Variants in ZCCHC17 observed in about 807,000 individuals in gnomAD.
ZCCHC17 encodes the protein zinc finger CCHC-type containing 17.
Under a neutral mutation model 30.6 loss-of-function variants are expected in ZCCHC17, and 18 were observed. The observed-to-expected ratio is 0.59, with a 90% CI of 0.41 to 0.87. ZCCHC17 has a LOEUF of 0.87. Among genes scored for constraint, ZCCHC17 ranks in the 40% least tolerant of loss-of-function variants. The probability of loss-of-function intolerance (pLI) is 0.00; values close to 1 mark genes in which losing one functional copy is unlikely to be tolerated. For missense variants in ZCCHC17, 263 were observed against 284.2 expected (o/e 0.93, Z 0.54); for synonymous variants, 88 against 92.4 (o/e 0.95, Z 0.27).
chr1:31,326,111 A>G (rs754378882), intron 3 of ZCCHC17, among the ~76,000 whole-genome samples: 121 of 152,176 alleles, frequency 8.0e-4, no homozygotes, highest in Non-Finnish European at 1.5e-3. Context: ...AAGTGTGCAT[A>G]TGCCTTTAAT....
intron 4 of ZCCHC17, among the ~76,000 whole-genome samples, chr1:31,337,678 T>C (rs949656063): frequency 2.6e-5 from 4 of 152,136 alleles, no homozygotes; most frequent in Non-Finnish European, 4.4e-5. Context: ...TAGTTTACAG[T>C]CATTTTCCCT....
intron 7 of ZCCHC17, among the ~76,000 whole-genome samples, chr1:31,351,911 T>G (rs913264982): frequency 1.3e-5 from 2 of 152,210 alleles, no homozygotes; most frequent in Admixed American, 6.5e-5. Flanking sequence ...ATTAAGTGCT[T>G]GTGTCTGTAT....
chr1:31,346,205 A>G (rs1283635756), intron 5 of ZCCHC17, among the ~76,000 whole-genome samples: 1 of 152,164 alleles, frequency 6.6e-6, no homozygotes, highest in Non-Finnish European at 1.5e-5. Flanking sequence ...AGCCACATGG[A>G]TAAGAGAAAA....
At chr1:31,346,078 A>G (rs1639260315) in intron 5 of ZCCHC17, among the ~76,000 whole-genome samples, 1 of 152,178 alleles carries the variant, frequency 6.6e-6, no homozygotes, top group Non-Finnish European at 1.5e-5. Context: ...ATAGAAGGAG[A>G]GCTAGTAACT....
At chr1:31,309,004 T>G (rs1182147453) in intron 1 of ZCCHC17, among the ~76,000 whole-genome samples, 1 of 152,218 alleles carries the variant, frequency 6.6e-6, no homozygotes, top group Non-Finnish European at 1.5e-5. Flanking sequence ...AGAATATAGA[T>G]CAAATTGAAT....
intron 2 of ZCCHC17, among the ~76,000 whole-genome samples, chr1:31,310,937 C>G (rs925340549): frequency 9.2e-5 from 14 of 152,324 alleles, no homozygotes; most frequent in African/African-American, 3.1e-4. Flanking sequence ...TATCTCTGGT[C>G]TATGTACTTC....
chr1:31,333,235 A>T (rs528271354), intron 3 of ZCCHC17: 11 of 152,312 alleles, frequency 7.2e-5, no homozygotes, highest in South Asian at 2.1e-4. Context: ...AATAGAATTT[A>T]AAAAAATGCC....
At chr1:31,330,615 T>G (rs1355555021) in intron 3 of ZCCHC17, among the ~76,000 whole-genome samples, 2 of 152,180 alleles carry the variant, frequency 1.3e-5, no homozygotes, top group African/African-American at 4.8e-5. Flanking sequence ...TAATATAGAT[T>G]AATAATAAAA....
intron 7 of ZCCHC17, among the ~76,000 whole-genome samples, chr1:31,359,943 T>G (rs1202816417): frequency 6.6e-6 from 1 of 152,078 alleles, no homozygotes; most frequent in African/African-American, 2.4e-5. Flanking sequence ...CTCTCAGTCT[T>G]CCCCCACCCC....
intron 3 of ZCCHC17, among the ~76,000 whole-genome samples, chr1:31,324,247 A>G (rs10798843): frequency 0.54 from 82,661 of 152,120 alleles, 23,370 homozygotes; most frequent in Non-Finnish European, 0.62. Context: ...CTGAAGTAGT[A>G]AGATCACTTG....
intron 7 of ZCCHC17, among the ~76,000 whole-genome samples, chr1:31,349,861 T>C (rs1446226303): frequency 6.6e-6 from 1 of 152,254 alleles, no homozygotes; most frequent in Admixed American, 6.5e-5. Flanking sequence ...GGATATTTTT[T>C]ATTACTTCCA....
At chr1:31,303,618 G>A (rs1464599909) in intron 1 of ZCCHC17, among the ~76,000 whole-genome samples, 1 of 152,162 alleles carries the variant, frequency 6.6e-6, no homozygotes, top group Non-Finnish European at 1.5e-5. Flanking sequence ...GACAGGATGT[G>A]TAGGGTTTTT....
At chr1:31,319,071 A>G in intron 2 of ZCCHC17, 38 bp from the exon 3 acceptor site, 1 of 1,589,000 alleles carries the variant, frequency 6.3e-7, no homozygotes, top group Non-Finnish European at 8.6e-7. Context: ...AAAGATTCTC[A>G]TGTATGTGAC....
At chr1:31,299,666 G>T (rs544770435) in intron 1 of ZCCHC17, among the ~76,000 whole-genome samples, 2 of 152,184 alleles carry the variant, frequency 1.3e-5, no homozygotes, top group African/African-American at 4.8e-5. Flanking sequence ...GGCAAAGGTG[G>T]TATTATTTTG....
In ZCCHC17 at chr1:31,300,953, A is replaced by G. The variant is rs147923337; in HGVS notation, c.-56+3878A>G. Among the ~76,000 whole-genome samples the G allele has an allele frequency of 5.5e-3, 840 of 151,994 alleles. 21 individuals are homozygous for G. Among genetic ancestry groups the G allele is most frequent in the Admixed American group, 0.052 (787 of 15,238 alleles). The stretch of plus-strand genomic sequence containing the variant: ...TGTCTCAAAAAAAAAAAAAGAAAAA[A>G]AAGGGTGGTTTAGTGGCAAGTGTGT... On this transcript the variant is annotated intron_variant, in intron 1 of 7. Transcript: ENST00000344147.
intron 1 of ZCCHC17, among the ~76,000 whole-genome samples, chr1:31,306,487 A>C (rs1338925704): frequency 1.3e-5 from 2 of 152,208 alleles, no homozygotes; most frequent in Admixed American, 1.3e-4. Flanking sequence ...GGATGGCACA[A>C]GATTTCATCA....
chr1:31,312,988 G>A (rs1646641666), intron 2 of ZCCHC17, among the ~76,000 whole-genome samples: 1 of 151,000 alleles, frequency 6.6e-6, no homozygotes, highest in South Asian at 2.1e-4. Context: ...GGCCAGGCTA[G>A]TCTCCTGACC....
intron 3 of ZCCHC17, 48 bp downstream of exon 3, chr1:31,319,214 T>C: frequency 1.3e-6 from 2 of 1,492,392 alleles, no homozygotes; most frequent in African/African-American, 2.8e-5. Flanking sequence ...TACTCTCTGC[T>C]AACACTCCAC....
At chr1:31,331,909 C>T (rs996886428) in intron 3 of ZCCHC17, among the ~76,000 whole-genome samples, 3 of 152,014 alleles carry the variant, frequency 2.0e-5, no homozygotes, top group Non-Finnish European at 4.4e-5. Flanking sequence ...CATGCCCGGC[C>T]GAGATGGATT....
Sources: allele counts gnomAD v4.1 joint callset (sites outside exome capture counted in the v4.1 genomes callset), GRCh38; gene constraint gnomAD v4.1.1; transcripts MANE v1.5; gene names NCBI Gene and HGNC (gene_info 2026-07-23, HGNC 2026-07-21).